ATG7: variants seen among roughly 807,000 people sequenced by gnomAD.
ATG7 encodes the protein ubiquitin-like modifier-activating enzyme ATG7.
A neutral mutation model predicts 82.4 loss-of-function variants in ATG7; 70 were observed. The ratio of observed to expected loss-of-function variants is 0.85; its 90% confidence interval spans 0.70 to 1.04. The LOEUF (loss-of-function observed/expected upper bound fraction) is 1.04, where lower values mean the gene tolerates loss of function less well. Ranked by LOEUF, ATG7 falls within the 50% of genes least tolerant of loss-of-function variation. The pLI is 0.00. For missense variants in ATG7, 792 were observed against 864.3 expected (o/e 0.92, Z 1.05); for synonymous variants, 287 against 313.0 (o/e 0.92, Z 0.88).
chr3:11,417,805 A>ATTATTTTTT lies in ATG7; in HGVS notation c.1957-8997_1957-8996insATTTTTTTT, dbSNP rs1559578331. ...AAAAAATTATTATTATTATTATTTT[A>ATTATTTTTT]TTTTATTTTATTTTTTTTTTTTTTG... On this transcript the variant is annotated intron_variant, in intron 19 of 20. Transcript: ENST00000693202. Among the ~76,000 whole-genome samples the ATTATTTTTT allele has an allele frequency of 7.8e-4, 41 of 52,740 alleles. 1 individual carries two copies. The highest frequency in any genetic ancestry group is 2.8e-3 in the South Asian group (4 of 1,408). The allele number at this position is 52,740 out of a possible 152,430, so 34.6% of individuals were successfully genotyped here.
At chr3:11,551,123 CAT>C (rs1341005495) in intron 20 of ATG7, among the ~76,000 whole-genome samples, 3 of 152,212 alleles carry the variant, frequency 2.0e-5, no homozygotes, top group African/African-American at 4.8e-5. Context: ...TTGATTTCCA[CAT>C]GTTCTTGGAC....
intron 9 of ATG7, among the ~76,000 whole-genome samples, 194 bp downstream of exon 9, chr3:11,315,687 C>G (rs777194334): frequency 1.3e-5 from 2 of 152,180 alleles, no homozygotes; most frequent in Non-Finnish European, 2.9e-5. Context: ...GTTTTTCTAG[C>G]TCTACTACAG....
chr3:11,482,727 T>G (rs995547384), intron 20 of ATG7, among the ~76,000 whole-genome samples: 17 of 152,260 alleles, frequency 1.1e-4, no homozygotes, highest in Admixed American at 9.8e-4. Flanking sequence ...CCATGATTTA[T>G]AGGGGATATC....
At chr3:11,561,111 T>C (rs1233432058), downstream of ATG7, among the ~76,000 whole-genome samples, 1 of 148,092 alleles carries the variant, frequency 6.8e-6, no homozygotes, top group African/African-American at 2.6e-5. Flanking sequence ...ACCCATGACC[T>C]TGGGCTCTAG....
chr3:11,441,136 A>G (rs891635277), intron 20 of ATG7, among the ~76,000 whole-genome samples: 1 of 152,242 alleles, frequency 6.6e-6, no homozygotes, highest in Non-Finnish European at 1.5e-5. Context: ...ATTTGCTGCT[A>G]GCTTTCAAGC....
intron 19 of ATG7, among the ~76,000 whole-genome samples, chr3:11,386,731 A>G (rs1476120323): frequency 2.0e-5 from 3 of 152,142 alleles, no homozygotes; most frequent in Non-Finnish European, 4.4e-5. Flanking sequence ...AAGGCCTCAA[A>G]TCTTCTATTT....
At chr3:11,535,985 C>T (rs2070254907) in intron 20 of ATG7, among the ~76,000 whole-genome samples, 1 of 152,218 alleles carries the variant, frequency 6.6e-6, no homozygotes, top group Non-Finnish European at 1.5e-5. Flanking sequence ...TCAGGCCATC[C>T]AGTGCAGCTG....
intron 1 of ATG7, among the ~76,000 whole-genome samples, chr3:11,279,943 T>G (rs1439655999): frequency 6.6e-6 from 1 of 152,154 alleles, no homozygotes; most frequent in Admixed American, 6.5e-5. Flanking sequence ...CCATAGTTTT[T>G]TTTTTTTTTG....
chr3:11,514,105 C>T (rs544245256), intron 20 of ATG7, among the ~76,000 whole-genome samples: 1 of 152,156 alleles, frequency 6.6e-6, no homozygotes, highest in Non-Finnish European at 1.5e-5. Context: ...ATGACTGTCT[C>T]ATCTAATCCT....
intron 20 of ATG7, among the ~76,000 whole-genome samples, chr3:11,504,769 T>C (rs1028475378): frequency 1.3e-5 from 2 of 152,144 alleles, no homozygotes; most frequent in Non-Finnish European, 2.9e-5. Flanking sequence ...CAAGAAAGAA[T>C]AAGTAATCCT....
At chr3:11,549,177 T>G (rs545923882) in intron 20 of ATG7, among the ~76,000 whole-genome samples, 1 of 152,340 alleles carries the variant, frequency 6.6e-6, no homozygotes, top group South Asian at 2.1e-4. Context: ...TCACCACAGA[T>G]GGGTTTTTGC....
intron 20 of ATG7, among the ~76,000 whole-genome samples, chr3:11,490,653 T>C (rs2090251016): frequency 6.6e-6 from 1 of 152,274 alleles, no homozygotes; most frequent in Admixed American, 6.5e-5. Context: ...AGGAGCTCTT[T>C]TAGGGCAGGC....
At chr3:11,505,039 T>A (rs2091611575) in intron 20 of ATG7, among the ~76,000 whole-genome samples, 1 of 152,164 alleles carries the variant, frequency 6.6e-6, no homozygotes, top group Non-Finnish European at 1.5e-5. Context: ...TATGAGCACG[T>A]TATTTTAACA....
Position 11,299,417 on chromosome 3 carries a change from G to C in ATG7, c.215+1G>C. 6.2e-7 allele frequency: 1 copy of C among 1,608,224 alleles called. No individual in the cohort carries two copies. Among genetic ancestry groups the C allele is most frequent in the Non-Finnish European group, 8.5e-7 (1 of 1,174,694 alleles). ...CATTGGAGTTCAGTGCTTTTGACAT[G>C]TGAGTATTTATTTGTTCAAAATCTG... On this transcript the variant is annotated splice_donor_variant, in intron 5 of 20. Coordinates refer to ENST00000693202, the MANE Select transcript of ATG7 (RefSeq NM_001349232.2). LOFTEE classifies it high-confidence loss of function.
At chr3:11,500,173 A>G (rs533962555) in intron 20 of ATG7, among the ~76,000 whole-genome samples, 1 of 152,340 alleles carries the variant, frequency 6.6e-6, no homozygotes, top group African/African-American at 2.4e-5. Flanking sequence ...AACATAAAGA[A>G]CAATATGAAC....
At position 11,458,895 on chromosome 3, in the gene ATG7, C is replaced by T. The variant is rs539645483; in HGVS notation, c.2079+31969C>T. Among the ~76,000 whole-genome samples the T allele has an allele frequency of 4.6e-5, 7 of 152,196 alleles. No homozygotes were observed. The East Asian group carries it at 9.7e-4, about 21-fold the overall frequency. Reference sequence around the variant, plus strand: ...TGTGCTCTGCCTCCTGTCAGATCAGCGGAGCATTAGATTCTCATAGGGGCG... The same window carrying T: ...TGTGCTCTGCCTCCTGTCAGATCAGTGGAGCATTAGATTCTCATAGGGGCG... On this transcript the variant is annotated intron_variant, in intron 20 of 20. Transcript: ENST00000693202.
At chr3:11,352,449 C>G (rs2075630782) in intron 14 of ATG7, among the ~76,000 whole-genome samples, 1 of 152,206 alleles carries the variant, frequency 6.6e-6, no homozygotes, top group Non-Finnish European at 1.5e-5. Flanking sequence ...AATGGTTAAA[C>G]TAGTTTACAG....
At position 11,333,107 on chromosome 3, in the gene ATG7, C is replaced by T. The variant is rs1293955058; in HGVS notation, c.889+14C>T. 4.5e-6 allele frequency: 7 copies of T among 1,542,954 alleles called. No homozygotes were observed. Among genetic ancestry groups the T allele is most frequent in the South Asian group, 1.2e-5 (1 of 80,512 alleles). ...CATTTAGCCCAGGTAATTTGCCGGT[C>T]TTTGAAAATGCATATAATTATCATT... On this transcript the variant is annotated intron_variant, in intron 11 of 20. Coordinates refer to ENST00000693202, the MANE Select transcript of ATG7 (RefSeq NM_001349232.2).
intron 3 of ATG7, among the ~76,000 whole-genome samples, chr3:11,296,123 G>A (rs980985886): frequency 9.2e-5 from 14 of 152,162 alleles, no homozygotes; most frequent in African/African-American, 3.4e-4. Context: ...ACATTCTCTA[G>A]GACTTTGTGG....
Sources: allele counts gnomAD v4.1 joint callset (sites outside exome capture counted in the v4.1 genomes callset), GRCh38; gene constraint gnomAD v4.1.1; transcripts MANE v1.5; gene names NCBI Gene and HGNC (gene_info 2026-07-23, HGNC 2026-07-21).